Variants in ZNF106 observed in about 807,000 individuals in gnomAD.
The protein encoded by ZNF106 is SH3-domain binding protein 3.
A neutral mutation model predicts 195.1 loss-of-function variants in ZNF106; 67 were observed. The observed-to-expected ratio is 0.34, with a 90% CI of 0.28 to 0.42. The LOEUF (loss-of-function observed/expected upper bound fraction) is 0.42. ZNF106 is among the 10% of genes least tolerant of loss of function. The pLI is 1.00. For missense variants in ZNF106, 2,118 were observed against 2,304.5 expected (o/e 0.92, Z 1.66); for synonymous variants, 784 against 818.6 (o/e 0.96, Z 0.72).
intron 6 of ZNF106, 58 bp from the exon 7 acceptor site, chr15:42,446,716 G>T (rs1285527945): frequency 7.2e-6 from 10 of 1,386,962 alleles, no homozygotes; most frequent in Admixed American, 2.3e-5. Context: ...TATCCAAGAG[G>T]AGAAAAAGGA....
chr15:42,431,915 G>GT (rs1213594845), intron 14 of ZNF106, among the ~76,000 whole-genome samples: 1 of 152,116 alleles, frequency 6.6e-6, no homozygotes, highest in Non-Finnish European at 1.5e-5. Context: ...CACCCGGCCA[G>GT]TGTTGTACAG....
chr15:42,423,685 G>C (rs1261698044), intron 17 of ZNF106, among the ~76,000 whole-genome samples: 1 of 152,108 alleles, frequency 6.6e-6, no homozygotes, highest in Non-Finnish European at 1.5e-5. Context: ...GCTCTCAGCT[G>C]TTTTTACTAG....
intron 3 of ZNF106, among the ~76,000 whole-genome samples, chr15:42,458,588 T>A (rs1036621070): frequency 6.6e-6 from 1 of 151,520 alleles, no homozygotes; most frequent in Non-Finnish European, 1.5e-5. Flanking sequence ...TGCACCTGTA[T>A]TCCCAGCTAT....
chr15:42,465,950 A>G (rs1437588252), intron 3 of ZNF106, 103 bp downstream of exon 3: 3 of 934,104 alleles, frequency 3.2e-6, no homozygotes, highest in Non-Finnish European at 4.7e-6. Flanking sequence ...GCCATAAGAC[A>G]ACATTTGCTT....
At chr15:42,443,327 C>A (rs2055627758) in intron 9 of ZNF106, among the ~76,000 whole-genome samples, 1 of 152,014 alleles carries the variant, frequency 6.6e-6, no homozygotes, top group Non-Finnish European at 1.5e-5. Flanking sequence ...AGTTTACAGA[C>A]CTTTCTATAG....
intron 14 of ZNF106, among the ~76,000 whole-genome samples, chr15:42,428,750 TTGATC>T (rs746823301): frequency 5.8e-4 from 88 of 152,294 alleles, no homozygotes; most frequent in Non-Finnish European, 1.1e-3. Context: ...TACCCACTGT[TTGATC>T]TGACCTTCAA....
At chr15:42,473,563 T>C (rs998839493) in intron 1 of ZNF106, among the ~76,000 whole-genome samples, 3 of 152,310 alleles carry the variant, frequency 2.0e-5, no homozygotes, top group Middle Eastern at 3.4e-3. Flanking sequence ...CTCATTCATT[T>C]CCATCAGGTA....
At chr15:42,428,589 G>A (rs1311524525) in intron 14 of ZNF106, among the ~76,000 whole-genome samples, 1 of 152,142 alleles carries the variant, frequency 6.6e-6, no homozygotes, top group Non-Finnish European at 1.5e-5. Context: ...TCAAACTGGT[G>A]CCAGGTTAGC....
At position 42,424,871 on chromosome 15, in the gene ZNF106, G is replaced by A; in HGVS notation, c.5153C>T (p.Thr1718Ile). The change falls in exon 16 of 22, where the codon ACT becomes ATT. Residue 1718 changes from threonine (T) to isoleucine (I), a missense_variant. Physicochemically the swap from Thr to Ile is moderately conservative, Grantham distance 89 (BLOSUM62 -1). Coordinates refer to ENST00000564754, the MANE Select transcript of ZNF106 (RefSeq NM_001366845.3). ...RDARNGLLLR[T>I]LEGHSKTILC... ...AATGGTTTTGCTATGGCCCTCCAGA[G>A]TTCTGAGGAGCAGTCCATTCCGGGC... 6.2e-7 allele frequency: 1 copy of A among 1,614,132 alleles called. No individual in the cohort carries two copies. The highest frequency in any genetic ancestry group is 8.5e-7 in the Non-Finnish European group (1 of 1,180,028).
At position 42,450,297 on chromosome 15, in the gene ZNF106, T is replaced by C; in HGVS notation, c.1975A>G (p.Arg659Gly). The C allele has an allele frequency of 3.1e-6, 5 of 1,614,188 alleles. No individual in the cohort carries two copies. Among genetic ancestry groups the C allele is most frequent in the South Asian group, 1.1e-5 (1 of 91,084 alleles). The change falls in exon 5 of 22, where the codon AGA (arginine) becomes GGA (glycine). Residue 659 changes from arginine to glycine, a missense_variant. Physicochemically the swap from Arg to Gly is moderately radical, Grantham distance 125 (BLOSUM62 -2). Transcript: ENST00000564754. Reference protein sequence around the residue: ...EEDDRILKTSRELSTSPCNPI... With the variant: ...EEDDRILKTSGELSTSPCNPI... ...TTACATGGGGAAGTGGATAGCTCTC[T>C]AGAAGTCTTCAGGATGCGGTCATCC...
intron 1 of ZNF106, among the ~76,000 whole-genome samples, chr15:42,488,954 T>C (rs2057074368): frequency 6.6e-6 from 1 of 151,482 alleles, no homozygotes; most frequent in African/African-American, 2.4e-5. Flanking sequence ...GGTGGGCACC[T>C]GTAATCCCAG....
At chr15:42,474,193 T>C (rs1022028523) in intron 1 of ZNF106, among the ~76,000 whole-genome samples, 2 of 152,234 alleles carry the variant, frequency 1.3e-5, no homozygotes, top group East Asian at 3.9e-4. Flanking sequence ...GCCAGGAAAT[T>C]TTGGAATAGT....
intron 1 of ZNF106, among the ~76,000 whole-genome samples, chr15:42,486,938 C>T (rs2057029102): frequency 6.6e-6 from 1 of 151,726 alleles, no homozygotes; most frequent in Admixed American, 6.6e-5. Context: ...ATCACCAGGT[C>T]AGGCATTTGA....
Position 42,446,595 on chromosome 15 carries a change from T to C in ZNF106, c.3199A>G (p.Lys1067Glu). Residue 1067 changes from lysine (K) to glutamate (E), a missense_variant, in exon 7 of 22, where the codon AAA becomes GAA. Transcript: ENST00000564754. Reference protein sequence around the residue: ...RKNKRRKIKGKKERSQVDQLL... With the variant: ...RKNKRRKIKGEKERSQVDQLL... The stretch of plus-strand genomic sequence containing the variant: ...AAAATATTCTGCACCATACCTTTTT[T>C]TCCTTTAATTTTCCTTCTTTTATTT... 1.3e-6 allele frequency: 2 copies of C among 1,595,158 alleles called. No individual in the cohort carries two copies. The highest frequency in any genetic ancestry group is 1.7e-6 in the Non-Finnish European group (2 of 1,168,216).
chr15:42,433,977 C>G (rs2055167652), intron 14 of ZNF106, among the ~76,000 whole-genome samples: 1 of 151,912 alleles, frequency 6.6e-6, no homozygotes, highest in African/African-American at 2.4e-5. Flanking sequence ...GCCTCCCAAA[C>G]AGCTAGGACT....
chr15:42,435,639 A>C lies in ZNF106; in HGVS notation c.4747-121T>G. ...ACTGCTGTATCCTCATGTCTAAAAC[A>C]GCACCTGGTACACAAAAGATGCTCA... On this transcript the variant is annotated intron_variant, in intron 13 of 21. Coordinates refer to ENST00000564754, the MANE Select transcript of ZNF106 (RefSeq NM_001366845.3). The C allele has an allele frequency of 2.5e-6, 3 of 1,198,344 alleles. No homozygotes were observed. The Admixed American group carries it at 6.3e-5, about 25-fold the overall frequency. 74.2% of individuals were successfully genotyped at this position (1,198,344 alleles called of 1,614,324 possible). A position where few individuals can be genotyped will look rare whatever the true frequency, so the allele number is the denominator to read the frequency against.
intron 20 of ZNF106, among the ~76,000 whole-genome samples, chr15:42,419,144 G>A (rs1180780636): frequency 2.0e-5 from 3 of 151,806 alleles, no homozygotes; most frequent in Admixed American, 6.6e-5. Flanking sequence ...TGAGGCAGGC[G>A]GATCACCTGA....
At chr15:42,467,703 G>A (rs1379190163) in intron 2 of ZNF106, among the ~76,000 whole-genome samples, 1 of 152,174 alleles carries the variant, frequency 6.6e-6, no homozygotes, top group East Asian at 1.9e-4. Context: ...AGCTACTTGG[G>A]AGGCTAAGGC....
intron 4 of ZNF106, 54 bp from the exon 5 acceptor site, chr15:42,452,008 T>G: frequency 6.5e-7 from 1 of 1,547,232 alleles, no homozygotes; most frequent in East Asian, 2.2e-5. Flanking sequence ...TATGCTACCT[T>G]GAAAGGCATA....
Sources: gnomAD v4.1 joint callset for allele counts (sites outside exome capture counted in the v4.1 genomes callset) on GRCh38, gnomAD v4.1.1 for gene constraint, MANE v1.5 for transcripts, NCBI Gene and HGNC (gene_info 2026-07-23, HGNC 2026-07-21) for gene names.